The following DOCK1 variants were observed in gnomAD, a reference collection of about 807,000 sequenced individuals.
DOCK1 encodes the protein dedicator of cytokinesis 1.
DOCK1 carries 138 observed loss-of-function variants against 262.7 expected under a neutral mutation model. The observed-to-expected ratio is 0.53, with a 90% CI of 0.46 to 0.61. The LOEUF (loss-of-function observed/expected upper bound fraction) is 0.61. DOCK1 is among the 20% of genes least tolerant of loss of function. The probability of loss-of-function intolerance (pLI) is 0.00; values close to 1 mark genes in which losing one functional copy is unlikely to be tolerated. For missense variants in DOCK1, 1,908 were observed against 2,370.7 expected, an observed-to-expected ratio of 0.80 and a Z score of 4.05; for synonymous variants, 866 against 867.4, an observed-to-expected ratio of 1.00 and a Z score of 0.03.
At chr10:127,232,852 TA>T (rs1028404034) in intron 27 of DOCK1, among the ~76,000 whole-genome samples, 15 of 152,348 alleles carry the variant, frequency 9.8e-5, no homozygotes, top group African/African-American at 3.4e-4. Context: ...TTCTGGAAAG[TA>T]AAATTAGTCA....
In DOCK1 at chr10:127,176,069, G is replaced by C. The variant is rs977355583; in HGVS notation, c.2847+48305G>C. On this transcript the variant is annotated intron_variant, in intron 27 of 51. Coordinates refer to ENST00000623213, the MANE Select transcript of DOCK1 (RefSeq NM_001290223.2). The surrounding 1 kb of genome is among the most constrained non-coding windows in gnomAD (Gnocchi z 4.4). ...ACGTCTGGTAACACTTCTTAAGGTCGGGCGAGGTCTGCACGCCTGTGCTCT... is the reference window on the plus strand; with the variant it reads ...ACGTCTGGTAACACTTCTTAAGGTCCGGCGAGGTCTGCACGCCTGTGCTCT... 1 of 1,613,956 alleles carries C rather than the reference G, an allele frequency of 6.2e-7. No individual in the cohort carries two copies. The highest frequency in any genetic ancestry group is 1.3e-5 in the African/African-American group (1 of 74,878).
At chr10:127,245,133 G>A (rs1235349181) in intron 27 of DOCK1, among the ~76,000 whole-genome samples, 6 of 152,160 alleles carry the variant, frequency 3.9e-5, no homozygotes, top group Admixed American at 3.9e-4. Flanking sequence ...CATGGTATCT[G>A]CAGTATTTGC....
intron 40 of DOCK1, among the ~76,000 whole-genome samples, 198 bp from the exon 41 acceptor site, chr10:127,408,839 T>C (rs1216781571): frequency 6.6e-6 from 1 of 152,170 alleles, no homozygotes; most frequent in Non-Finnish European, 1.5e-5. Flanking sequence ...CAGTATTAAC[T>C]TACATGCTTG....
chr10:127,262,148 G>A lies in DOCK1; in HGVS notation c.3044+4719G>A, dbSNP rs553453216. On this transcript the variant is annotated intron_variant, in intron 29 of 51. Transcript: ENST00000623213. ...TGTGTGTACCCGTGCTCGTCTGTGT[G>A]TGTACCTGTATGTGTGTGCATGTGG... Among the ~76,000 whole-genome samples, 9 of 147,288 alleles carry A rather than the reference G, an allele frequency of 6.1e-5. No individual in the cohort carries two copies. In the South Asian group the frequency reaches 1.5e-3, roughly 25 times the overall value.
chr10:127,055,636 C>T (rs1183843527), intron 22 of DOCK1, among the ~76,000 whole-genome samples: 1 of 152,202 alleles, frequency 6.6e-6, no homozygotes, highest in African/African-American at 2.4e-5. Flanking sequence ...GGTCTGTTCC[C>T]TGAGAGCTTC....
intron 1 of DOCK1, among the ~76,000 whole-genome samples, chr10:126,910,453 C>A (rs2031600626): frequency 6.6e-6 from 1 of 152,238 alleles, no homozygotes; most frequent in South Asian, 2.1e-4. Context: ...CACTTGTACG[C>A]TGTTCCCACC....
intron 27 of DOCK1, among the ~76,000 whole-genome samples, chr10:127,231,410 CT>C (rs1385061444): frequency 6.6e-6 from 1 of 151,906 alleles, no homozygotes; most frequent in Non-Finnish European, 1.5e-5. Context: ...GCATGAATTT[CT>C]TTTTCTTATT....
At chr10:127,355,324 T>C (rs909223527) in intron 32 of DOCK1, among the ~76,000 whole-genome samples, 3 of 152,246 alleles carry the variant, frequency 2.0e-5, no homozygotes, top group South Asian at 2.1e-4. Flanking sequence ...GTAATTCTTA[T>C]AGATAAGCCC....
At chr10:127,448,640 T>C (rs1456428008) in intron 51 of DOCK1, among the ~76,000 whole-genome samples, 1 of 152,172 alleles carries the variant, frequency 6.6e-6, no homozygotes, top group Non-Finnish European at 1.5e-5. Flanking sequence ...AAATCAGTGG[T>C]GTCTGAAGGG....
At chr10:127,126,228 G>A (rs2049949511) in intron 26 of DOCK1, among the ~76,000 whole-genome samples, 1 of 151,986 alleles carries the variant, frequency 6.6e-6, no homozygotes, top group Non-Finnish European at 1.5e-5. Context: ...CCAAGTAGCT[G>A]GGATTATAGG....
chr10:127,033,861 C>A (rs1027022837), intron 18 of DOCK1, among the ~76,000 whole-genome samples: 14 of 152,188 alleles, frequency 9.2e-5, no homozygotes, highest in African/African-American at 3.4e-4. Context: ...TTGTTCTGGG[C>A]TACACTTTCC....
chr10:126,985,940 G>C (rs1002478864), intron 4 of DOCK1, among the ~76,000 whole-genome samples: 3 of 152,226 alleles, frequency 2.0e-5, no homozygotes, highest in East Asian at 3.9e-4. Context: ...CGTCTCCCGG[G>C]TTCAAGTGAT....
intron 27 of DOCK1, among the ~76,000 whole-genome samples, chr10:127,196,902 C>T (rs2057213615): frequency 6.6e-6 from 1 of 152,040 alleles, no homozygotes; most frequent in Non-Finnish European, 1.5e-5. Context: ...CGGGGGACTC[C>T]GTGTGTTCTC....
chr10:127,134,447 C>T (rs1235170372), intron 27 of DOCK1, among the ~76,000 whole-genome samples: 3 of 152,140 alleles, frequency 2.0e-5, no homozygotes, highest in Non-Finnish European at 4.4e-5. Context: ...AAGGTTTTCC[C>T]ATACTTTGAG....
chr10:127,441,398 A>C (rs1474410708), intron 49 of DOCK1, among the ~76,000 whole-genome samples: 2 of 152,208 alleles, frequency 1.3e-5, no homozygotes, highest in East Asian at 3.9e-4. Context: ...GCTTCTCAGC[A>C]TCTGGCCCAG....
chr10:126,934,077 A>G (rs1331506107), intron 1 of DOCK1, among the ~76,000 whole-genome samples: 1 of 151,972 alleles, frequency 6.6e-6, no homozygotes, highest in Non-Finnish European at 1.5e-5. Context: ...TTGGCCTCCC[A>G]AAGTGCTGGG....
At chr10:127,065,104 G>A (rs956995567) in intron 23 of DOCK1, among the ~76,000 whole-genome samples, 7 of 152,114 alleles carry the variant, frequency 4.6e-5, no homozygotes, top group African/African-American at 1.7e-4. Flanking sequence ...CTGCCTTCCC[G>A]GTTCAAGTGA....
chr10:127,336,020 A>T (rs940582298), intron 29 of DOCK1, among the ~76,000 whole-genome samples: 2 of 143,898 alleles, frequency 1.4e-5, no homozygotes, highest in African/African-American at 5.1e-5. Flanking sequence ...CCAGCCTGTA[A>T]TTTTTTTTTT....
chr10:127,017,592 C>T (rs2042095395), intron 12 of DOCK1, among the ~76,000 whole-genome samples: 1 of 151,680 alleles, frequency 6.6e-6, no homozygotes, highest in Admixed American at 6.6e-5. Flanking sequence ...CACACAGTGA[C>T]TCACACAGAC....
Sources: allele counts gnomAD v4.1 joint callset (sites outside exome capture counted in the v4.1 genomes callset), GRCh38; gene constraint gnomAD v4.1.1; non-coding constraint Gnocchi (gnomAD v3.1); transcripts MANE v1.5; gene names NCBI Gene and HGNC (gene_info 2026-07-23, HGNC 2026-07-21).